Variants in PKNOX2 observed in about 807,000 individuals in gnomAD.
PKNOX2 encodes homeobox protein PKNOX2.
A neutral mutation model predicts 53.1 loss-of-function variants in PKNOX2; 14 were observed. The observed-to-expected ratio is 0.26, with a 90% CI of 0.17 to 0.41. PKNOX2 has a LOEUF of 0.41. PKNOX2 is among the 10% of genes least tolerant of loss of function. The pLI is 1.00. For missense variants in PKNOX2, 496 were observed against 602.8 expected (o/e 0.82, Z 1.85); for synonymous variants, 257 against 242.8 (o/e 1.06, Z -0.54).
At chr11:125,410,459 T>G (rs1293960640) in intron 8 of PKNOX2, 134 bp downstream of exon 8, 59 of 1,260,910 alleles carry the variant, frequency 4.7e-5, no homozygotes, top group Non-Finnish European at 6.0e-5. Flanking sequence ...TGACTAAAGT[T>G]TTCTGTAAGT....
intron 2 of PKNOX2, among the ~76,000 whole-genome samples, chr11:125,243,747 C>G (rs1236833579): frequency 6.6e-6 from 1 of 152,060 alleles, no homozygotes; most frequent in East Asian, 1.9e-4. Context: ...CTCAGCCTCC[C>G]GAGTAGCTGG....
intron 7 of PKNOX2, among the ~76,000 whole-genome samples, chr11:125,404,088 G>T (rs1025702371): frequency 2.6e-5 from 4 of 152,122 alleles, no homozygotes; most frequent in African/African-American, 9.7e-5. Context: ...CTGAGGACAG[G>T]ACCAGGGAGA....
chr11:125,255,737 G>A (rs1204912597), intron 2 of PKNOX2, among the ~76,000 whole-genome samples: 1 of 151,992 alleles, frequency 6.6e-6, no homozygotes, highest in Non-Finnish European at 1.5e-5. Context: ...GGTGGGGGAC[G>A]GGCTTTGTTC....
chr11:125,251,292 A>G (rs1282837910), intron 2 of PKNOX2, among the ~76,000 whole-genome samples: 1 of 152,090 alleles, frequency 6.6e-6, no homozygotes, highest in African/African-American at 2.4e-5. Context: ...AGCATTTCCA[A>G]TTACTCTCCC....
intron 1 of PKNOX2, among the ~76,000 whole-genome samples, chr11:125,175,435 G>A (rs1177739707): frequency 1.3e-5 from 2 of 152,206 alleles, no homozygotes; most frequent in Non-Finnish European, 1.5e-5. Flanking sequence ...TAGCTTGCAG[G>A]TAAAGGCAGA....
At chr11:125,209,313 A>G (rs1208730912) in intron 1 of PKNOX2, among the ~76,000 whole-genome samples, 2 of 152,038 alleles carry the variant, frequency 1.3e-5, no homozygotes, top group African/African-American at 2.4e-5. Context: ...CCACTTCAGT[A>G]TAATGCCTAT....
At chr11:125,223,268 C>T (rs922749654) in intron 1 of PKNOX2, among the ~76,000 whole-genome samples, 1 of 151,624 alleles carries the variant, frequency 6.6e-6, no homozygotes, top group African/African-American at 2.4e-5. Flanking sequence ...CTCACTCTGT[C>T]ATCTAGGCTG....
At chr11:125,277,431 T>C (rs1946247572) in intron 2 of PKNOX2, 1 of 151,792 alleles carries the variant, frequency 6.6e-6, no homozygotes, top group African/African-American at 2.4e-5. Context: ...GTCCAGGAGG[T>C]TGGTAGACTG....
Position 125,351,380 on chromosome 11 carries a change from G to A in PKNOX2, c.75G>A (p.Gln25=). 6.2e-7 allele frequency: 1 copy of A among 1,601,216 alleles called. No homozygotes were observed. Among genetic ancestry groups the A allele is most frequent in the Non-Finnish European group, 8.5e-7 (1 of 1,170,052 alleles). The change falls in exon 4 of 13, where the codon CAG becomes CAA. Residue 25 remains glutamine, a synonymous_variant. Transcript: ENST00000298282. The part of the protein sequence containing the change: ...ATQNVPPPPY[Q]DSPQMTATAQ... ...AGAATGTCCCGCCCCCACCCTACCA[G>A]GACAGCCCACAGGTGAGTGCGCAGG...
At chr11:125,263,626 G>A (rs1945062903) in intron 2 of PKNOX2, among the ~76,000 whole-genome samples, 1 of 152,238 alleles carries the variant, frequency 6.6e-6, no homozygotes, top group African/African-American at 2.4e-5. Context: ...GAGGAGCAGC[G>A]CGGGAGGGGG....
At chr11:125,219,106 G>A (rs1271075253) in intron 1 of PKNOX2, among the ~76,000 whole-genome samples, 1 of 152,110 alleles carries the variant, frequency 6.6e-6, no homozygotes, top group African/African-American at 2.4e-5. Context: ...CAACCTGTTG[G>A]CATTCAAACT....
intron 4 of PKNOX2, among the ~76,000 whole-genome samples, chr11:125,361,319 C>A (rs1037066251): frequency 3.9e-5 from 6 of 152,174 alleles, no homozygotes; most frequent in Non-Finnish European, 1.5e-5. Flanking sequence ...AGGAGCCTGG[C>A]CTGGTTCTGG....
rs184950915 is a variant in PKNOX2 at position 125,386,524 on chromosome 11, C to A, written c.399+802C>A. Among the ~76,000 whole-genome samples, 179 of 152,248 alleles carry A rather than the reference C, an allele frequency of 1.2e-3. 1 individual carries two copies. The highest frequency in any genetic ancestry group is 1.8e-3 in the Admixed American group (27 of 15,294). On this transcript the variant is annotated intron_variant, in intron 6 of 12. Coordinates refer to ENST00000298282, the MANE Select transcript of PKNOX2 (RefSeq NM_001382323.2). ...CTAGTCATCTTGGAATTATTAACCACAATTCTTTATTTTTGTGGGTGGATT... is the reference window on the plus strand; with the variant it reads ...CTAGTCATCTTGGAATTATTAACCAAAATTCTTTATTTTTGTGGGTGGATT...
At chr11:125,244,119 G>A (rs560978423) in intron 2 of PKNOX2, among the ~76,000 whole-genome samples, 2 of 152,360 alleles carry the variant, frequency 1.3e-5, no homozygotes, top group Admixed American at 6.5e-5. Flanking sequence ...GGCAAAGCAA[G>A]GAAGAAGAAG....
intron 2 of PKNOX2, among the ~76,000 whole-genome samples, chr11:125,236,392 G>T (rs1243905183): frequency 8.2e-6 from 1 of 122,360 alleles, no homozygotes; most frequent in Non-Finnish European, 1.7e-5. Flanking sequence ...GGGGCGGGGG[G>T]TGGGTGGAGG....
intron 2 of PKNOX2, among the ~76,000 whole-genome samples, chr11:125,236,268 C>T (rs940036370): frequency 3.3e-5 from 5 of 152,096 alleles, no homozygotes; most frequent in Non-Finnish European, 7.4e-5. Flanking sequence ...CGGGCCTGGG[C>T]TCCCAGGGCA....
At chr11:125,367,577 TAA>T (rs1433885172) in intron 4 of PKNOX2, among the ~76,000 whole-genome samples, 1 of 152,252 alleles carries the variant, frequency 6.6e-6, no homozygotes, top group African/African-American at 2.4e-5. Flanking sequence ...ATATTTGCAC[TAA>T]GAGTCATCTC....
chr11:125,302,612 T>C (rs1948152191), intron 2 of PKNOX2, among the ~76,000 whole-genome samples: 1 of 152,142 alleles, frequency 6.6e-6, no homozygotes, highest in Non-Finnish European at 1.5e-5. Context: ...CTCCAGAGTA[T>C]TGGGGGTGTT....
At chr11:125,365,565 A>T (rs1383959046) in intron 4 of PKNOX2, among the ~76,000 whole-genome samples, 1 of 152,188 alleles carries the variant, frequency 6.6e-6, no homozygotes, top group Non-Finnish European at 1.5e-5. Context: ...GATCTTTTGG[A>T]TCCCTGTTTC....
Sources: gnomAD v4.1 joint callset for allele counts (sites outside exome capture counted in the v4.1 genomes callset) on GRCh38, gnomAD v4.1.1 for gene constraint, MANE v1.5 for transcripts, NCBI Gene and HGNC (gene_info 2026-07-23, HGNC 2026-07-21) for gene names.